MAP7D3: variants seen among roughly 807,000 people sequenced by gnomAD.
The protein encoded by MAP7D3 is MAP7 domain-containing protein 3.
MAP7D3 carries 45 observed loss-of-function variants against 62.2 expected under a neutral mutation model. The ratio of observed to expected loss-of-function variants is 0.72; its 90% confidence interval spans 0.57 to 0.93. The LOEUF is 0.93. Among genes scored for constraint, MAP7D3 ranks in the 40% least tolerant of loss-of-function variants. The pLI is 0.00. For missense variants in MAP7D3, 711 were observed against 683.1 expected (o/e 1.04, Z -0.45); for synonymous variants, 288 against 248.8 (o/e 1.16, Z -1.48).
intron 15 of MAP7D3, 108 bp from the exon 16 acceptor site, chrX:136,221,071 G>T: frequency 1.7e-6 from 1 of 574,483 alleles, no homozygotes; most frequent in Non-Finnish European, 2.9e-6. Flanking sequence ...CCTGCCTGAA[G>T]GCAGGAAGAG....
At chrX:136,250,111 A>G (rs1300375729) in intron 1 of MAP7D3, among the ~76,000 whole-genome samples, 1 of 111,914 alleles carries the variant, frequency 8.9e-6, no homozygotes, top group African/African-American at 3.3e-5. Context: ...TAGGTGAACC[A>G]TAAGTATAGA....
upstream of MAP7D3, among the ~76,000 whole-genome samples, chrX:136,254,286 T>A (rs779774898): frequency 9.2e-6 from 1 of 109,267 alleles, no homozygotes; most frequent in South Asian, 4.2e-4. Context: ...GGTTTTGCCA[T>A]GTTGACCAGT....
intron 10 of MAP7D3, 52 bp from the exon 11 acceptor site, chrX:136,228,810 C>T (rs763961111): frequency 8.8e-6 from 9 of 1,023,578 alleles, no homozygotes; most frequent in Non-Finnish European, 1.0e-5. Context: ...AACTCTCACT[C>T]CAACAAAGAA....
intron 14 of MAP7D3, among the ~76,000 whole-genome samples, chrX:136,223,020 T>G (rs925958238): frequency 9.1e-6 from 1 of 110,488 alleles, no homozygotes; most frequent in African/African-American, 3.3e-5. Context: ...TTTAAACTGT[T>G]TTATAGAGAC....
intron 7 of MAP7D3, among the ~76,000 whole-genome samples, chrX:136,235,248 CT>C (rs2074316267): frequency 8.9e-6 from 1 of 112,349 alleles, no homozygotes; most frequent in Non-Finnish European, 1.9e-5. Context: ...TGAATAAACA[CT>C]TTTGTTAAAA....
chrX:136,256,120 A>G (rs1166994916), upstream of MAP7D3: 1 of 748,509 alleles, frequency 1.3e-6, no homozygotes, highest in African/African-American at 2.3e-5. Flanking sequence ...CAGTTGAGAC[A>G]AGGCTCTGGT....
intron 15 of MAP7D3, chrX:136,221,961 CAAT>C (rs1470929987): frequency 8.7e-6 from 1 of 115,164 alleles, no homozygotes; most frequent in Non-Finnish European, 1.8e-5. Context: ...GTAAGGGAGT[CAAT>C]GATACATTTG....
intron 12 of MAP7D3, 66 bp downstream of exon 12, chrX:136,227,218 C>T: frequency 9.7e-7 from 1 of 1,031,466 alleles, no homozygotes. Context: ...GAGATTTTTG[C>T]TCTGGGTTCC....
At chrX:136,256,197 C>T (rs746152304), upstream of MAP7D3, 26 of 1,130,970 alleles carry the variant, frequency 2.3e-5, no homozygotes, top group East Asian at 7.3e-4. Context: ...CTGTGATGCC[C>T]GGGAAGAGTG....
At chrX:136,230,243 G>A (rs2074250352) in intron 10 of MAP7D3, 142 bp downstream of exon 10, 1 of 437,464 alleles carries the variant, frequency 2.3e-6, no homozygotes, top group South Asian at 3.8e-5. Flanking sequence ...ATGTACCAGA[G>A]ATTGGTTAGA....
chrX:136,225,949 A>G lies in MAP7D3; in HGVS notation c.2099T>C (p.Ile700Thr). 8.3e-7 allele frequency: 1 copy of G among 1,204,494 alleles called. No homozygotes were observed. The change falls in exon 13 of 19, where the codon ATT becomes ACT. Residue 700 changes from isoleucine to threonine, a missense_variant. By Grantham distance (89) the Ile-to-Thr change is moderately conservative. Coordinates refer to ENST00000316077, the MANE Select transcript of MAP7D3 (RefSeq NM_024597.4). The part of the protein sequence containing the change: ...ADKRKKEHER[I>T]MLQNLQERLE... ...CCGTTCTTGTAAATTTTGTAACATA[A>G]TTCTCTCGTGTTCTTTCTTGCGTTT...
At chrX:136,229,640 A>T (rs961572031) in intron 10 of MAP7D3, among the ~76,000 whole-genome samples, 1 of 109,581 alleles carries the variant, frequency 9.1e-6, no homozygotes, top group Admixed American at 9.8e-5. Flanking sequence ...GCTCTCTCCA[A>T]GAACCATCAC....
chrX:136,220,636 T>G (rs2074115588), intron 16 of MAP7D3, 129 bp downstream of exon 16: 3 of 572,728 alleles, frequency 5.2e-6, no homozygotes, highest in Non-Finnish European at 8.6e-6. Context: ...TTTATTTCCG[T>G]TAAGTCAAAT....
chrX:136,231,109 G>A (rs2074262398), intron 8 of MAP7D3, 143 bp from the exon 9 acceptor site: 2 of 404,012 alleles, frequency 5.0e-6, no homozygotes, highest in Admixed American at 9.8e-5. Flanking sequence ...TTTAGAGTAT[G>A]AGAATCAGGA....
chrX:136,230,414 G>T lies in MAP7D3; in HGVS notation c.1721C>A (p.Ala574Asp). The change falls in exon 10 of 19, where the codon GCT (alanine) becomes GAT (aspartate). Residue 574 changes from alanine (A) to aspartate (D), a missense_variant. Physicochemically the swap from Ala to Asp is moderately radical, Grantham distance 126 (BLOSUM62 -2). Transcript: ENST00000316077. The part of the protein sequence containing the change: ...TVSKTTNRCE[A>D]LSQRHMIYEE... ...ATAGATCATATGCCTTTGGCTCAAA[G>T]CCTCACATCTGTTAGTGGTTTTAGA... is the stretch of plus-strand genomic sequence containing the variant. 1 of 1,201,153 alleles carries T rather than the reference G, an allele frequency of 8.3e-7. No individual in the cohort carries two copies. The highest frequency in any genetic ancestry group is 1.1e-6 in the Non-Finnish European group (1 of 886,337).
At chrX:136,236,217 T>C in intron 7 of MAP7D3, 27 bp downstream of exon 7, 2 of 945,429 alleles carry the variant, frequency 2.1e-6, no homozygotes, top group Non-Finnish European at 3.0e-6. Flanking sequence ...AATCACTATT[T>C]AAAATTTGTA....
intron 1 of MAP7D3, among the ~76,000 whole-genome samples, chrX:136,249,418 ATTTTT>A (rs977321377): frequency 1.3e-4 from 15 of 112,515 alleles, no homozygotes; most frequent in African/African-American, 4.8e-4. Context: ...ATTCAAATAA[ATTTTT>A]ATTTTAAAAC....
rs149305439 is a variant in MAP7D3 at position 136,220,674 on chromosome X, A to T, written c.2486+91T>A. The T allele has an allele frequency of 1.6e-3, 1,205 of 748,912 alleles. 6 individuals carry two copies. The African/African-American group carries it at 0.023, about 14-fold the overall frequency. 61.7% of individuals were successfully genotyped at this position (748,912 alleles called of 1,213,427 possible). On this transcript the variant is annotated intron_variant, in intron 16 of 18. Transcript: ENST00000316077. ...GTGACATGGTGTTTGGTACAAACTAAGAGCACAAGAGATCATATTTATCTA... is the reference window on the plus strand; with the variant it reads ...GTGACATGGTGTTTGGTACAAACTATGAGCACAAGAGATCATATTTATCTA...
intron 7 of MAP7D3, among the ~76,000 whole-genome samples, chrX:136,234,471 C>T (rs2074308246): frequency 8.9e-6 from 1 of 111,812 alleles, no homozygotes; most frequent in Non-Finnish European, 1.9e-5. Flanking sequence ...TTTTAAAACC[C>T]ATAGAACTTT....
Sources: gnomAD v4.1 joint callset for allele counts (sites outside exome capture counted in the v4.1 genomes callset) on GRCh38, gnomAD v4.1.1 for gene constraint, MANE v1.5 for transcripts, NCBI Gene and HGNC (gene_info 2026-07-23, HGNC 2026-07-21) for gene names.